The following LTF variants were observed in gnomAD, a reference collection of about 807,000 sequenced individuals.
LTF encodes the protein lactotransferrin.
A neutral mutation model predicts 87.2 loss-of-function variants in LTF; 91 were observed. The observed-to-expected ratio is 1.04, with a 90% CI of 0.88 to 1.24. The LOEUF (loss-of-function observed/expected upper bound fraction) is 1.24, where lower values mean the gene tolerates loss of function less well. Among genes scored for constraint, LTF ranks in the 50% most tolerant of loss-of-function variants. LTF has a pLI of 0.00. For missense variants in LTF, 901 were observed against 904.3 expected (o/e 1.00, Z 0.05); for synonymous variants, 378 against 356.1 (o/e 1.06, Z -0.69).
chr3:46,471,322 CTCTCTG>C (rs1337648198), intron 1 of LTF, among the ~76,000 whole-genome samples: 22 of 152,304 alleles, frequency 1.4e-4, no homozygotes, highest in Non-Finnish European at 2.4e-4. Context: ...CCCTCTCTAT[CTCTCTG>C]TCTCTATTTC....
At chr3:46,463,696 A>G (rs1703142191) in intron 1 of LTF, 2 of 975,856 alleles carry the variant, frequency 2.0e-6, no homozygotes, top group Non-Finnish European at 2.4e-6. Flanking sequence ...ACTTCCAGGA[A>G]GGCAAGGCTT....
intron 7 of LTF, 48 bp downstream of exon 7, chr3:46,450,447 C>G: frequency 6.4e-7 from 1 of 1,560,782 alleles, no homozygotes; most frequent in Non-Finnish European, 8.7e-7. Context: ...AACCTTGCTC[C>G]CTGCCCCCCA....
chr3:46,452,556 G>A (rs997834782), intron 6 of LTF, among the ~76,000 whole-genome samples: 1 of 152,238 alleles, frequency 6.6e-6, no homozygotes, highest in African/African-American at 2.4e-5. Flanking sequence ...AATAAAGTGA[G>A]AGGGGAGAGG....
intron 1 of LTF, among the ~76,000 whole-genome samples, chr3:46,482,731 G>A (rs57557042): frequency 4.3e-5 from 6 of 139,158 alleles, no homozygotes; most frequent in African/African-American, 1.6e-4. Flanking sequence ...AGAAAGGAAG[G>A]AAGGAAGGAA....
intron 15 of LTF, among the ~76,000 whole-genome samples, chr3:46,438,367 T>A (rs1702437949): frequency 6.6e-6 from 1 of 152,200 alleles, no homozygotes; most frequent in Non-Finnish European, 1.5e-5. Context: ...CCTCCTACCA[T>A]CTGCCATCTT....
rs986838261 is a variant in LTF, at chr3:46,463,471, G to A, written c.43+1354C>T. 7.4e-5 allele frequency: 73 copies of A among 985,804 alleles called. No individual in the cohort carries two copies. In the Admixed American group the frequency reaches 1.4e-3, roughly 18 times the overall value. 61.1% of individuals were successfully genotyped at this position (985,804 alleles called of 1,614,324 possible). On this transcript the variant is annotated intron_variant, in intron 1 of 16. Coordinates refer to ENST00000231751, the MANE Select transcript of LTF (RefSeq NM_002343.6). The stretch of plus-strand genomic sequence containing the variant: ...AACTTCTGTCAGCCTGGACACCCAC[G>A]GGGAGCAGGGCAGGAATTCCACAGG...
At position 46,473,622 on chromosome 3, in the gene LTF, G is replaced by C. The variant is rs528981178; in HGVS notation, c.-319-3156C>G. ...GAATCCATTTCCTTATTTTTTTTCA[G>C]CTTCTAGAGGCTGACTCCATTCTTT... is the stretch of plus-strand genomic sequence containing the variant. On this transcript the variant is annotated intron_variant, in intron 1 of 19. Coordinates refer to the LTF transcript ENST00000443496. 2.9e-4 allele frequency among the ~76,000 whole-genome samples: 44 copies of C among 152,026 alleles called. 1 individual carries two copies. The South Asian group carries it at 8.9e-3, about 31-fold the overall frequency.
At chr3:46,447,450 T>C (rs1344154251) in intron 9 of LTF, 52 bp from the exon 10 acceptor site, 2 of 1,241,820 alleles carry the variant, frequency 1.6e-6, no homozygotes, top group Non-Finnish European at 2.4e-6. Flanking sequence ...CATCCCGTCC[T>C]GCCTGTCTAT....
intron 6 of LTF, among the ~76,000 whole-genome samples, chr3:46,453,761 G>A (rs1702858691): frequency 6.6e-6 from 1 of 152,166 alleles, no homozygotes; most frequent in African/African-American, 2.4e-5. Context: ...AGGAACACAG[G>A]TGAAGGTATC....
chr3:46,438,074 G>T lies in LTF; in HGVS notation c.1964C>A (p.Ser655Tyr), dbSNP rs765836348. Residue 655 changes from serine to tyrosine, a missense_variant, in exon 16 of 17, where the codon TCT becomes TAT. Ser to Tyr is a moderately radical substitution (Grantham distance 144). Transcript: ENST00000231751. ...DCPDKFCLFQ[S>Y]ETKNLLFNDN... ...ATTGAACAGAAGGTTTTTGGTTTCA[G>T]ACTGGAATAAGCAAAACTTGTCCGG... 5.0e-5 allele frequency: 80 copies of T among 1,613,948 alleles called. 2 individuals are homozygous for T. In the South Asian group the frequency reaches 8.5e-4, roughly 17 times the overall value.
intron 1 of LTF, among the ~76,000 whole-genome samples, chr3:46,477,353 T>A (rs992414199): frequency 2.0e-5 from 3 of 152,240 alleles, no homozygotes; most frequent in South Asian, 4.1e-4. Context: ...TAAGCCCAGA[T>A]GAAGCCTGGC....
rs146716760 is a variant in LTF at position 46,443,461 on chromosome 3, G to A, written c.1635C>T (p.Tyr545=). Residue 545 remains tyrosine, a synonymous_variant, in exon 13 of 17, where the codon TAC becomes TAT. Transcript: ENST00000231751. ...CTCACCGGAAAGCCCCAGTGTAGCC[G>A]TAGTATCTCTCGTTGCTGTTGGGCA... is the stretch of plus-strand genomic sequence containing the variant. ...KCVPNSNERY[Y]GYTGAFRCLA... is the part of the protein sequence containing the mutation. 220 of 1,614,208 alleles carry A rather than the reference G, an allele frequency of 1.4e-4. No individual in the cohort carries two copies. Among genetic ancestry groups the A allele is most frequent in the African/African-American group, 6.8e-4 (51 of 75,050 alleles).
intron 1 of LTF, among the ~76,000 whole-genome samples, 171 bp downstream of exon 1, chr3:46,464,654 T>A (rs1432946552): frequency 1.3e-5 from 2 of 152,040 alleles, no homozygotes; most frequent in Non-Finnish European, 1.5e-5. Context: ...CCTCCCCATG[T>A]GGGAAAGAGA....
chr3:46,446,803 T>C (rs1293255519), intron 10 of LTF, among the ~76,000 whole-genome samples: 1 of 152,100 alleles, frequency 6.6e-6, no homozygotes, highest in Non-Finnish European at 1.5e-5. Context: ...ATGAAAAGCA[T>C]AACGATGAGC....
intron 2 of LTF, among the ~76,000 whole-genome samples, chr3:46,457,427 G>A (rs1213110206): frequency 1.3e-5 from 2 of 152,024 alleles, no homozygotes; most frequent in Non-Finnish European, 2.9e-5. Flanking sequence ...GTTTTTCCTT[G>A]TGACCACTTG....
At chr3:46,451,108 G>C (rs758582642) in intron 6 of LTF, among the ~76,000 whole-genome samples, 4 of 152,174 alleles carry the variant, frequency 2.6e-5, no homozygotes, top group Non-Finnish European at 4.4e-5. Flanking sequence ...AGGAAGGTGA[G>C]ACACTTTCCA....
At chr3:46,440,964 G>C (rs1702501694) in intron 14 of LTF, among the ~76,000 whole-genome samples, 1 of 152,232 alleles carries the variant, frequency 6.6e-6, no homozygotes, top group Non-Finnish European at 1.5e-5. Context: ...TCCAGACCAA[G>C]GCTCACATGG....
chr3:46,456,166 T>C, intron 3 of LTF, 124 bp downstream of exon 3: 1 of 952,300 alleles, frequency 1.1e-6, no homozygotes, highest in Non-Finnish European at 1.6e-6. Flanking sequence ...GCCCAGCGAC[T>C]CCATTCCCTA....
chr3:46,471,463 A>C (rs968690093), intron 1 of LTF, among the ~76,000 whole-genome samples: 1 of 152,202 alleles, frequency 6.6e-6, no homozygotes, highest in African/African-American at 2.4e-5. Context: ...CCCTGCACCC[A>C]TGCCTTCACT....
Sources: gnomAD v4.1 joint callset for allele counts (sites outside exome capture counted in the v4.1 genomes callset) on GRCh38, gnomAD v4.1.1 for gene constraint, MANE v1.5 for transcripts, NCBI Gene and HGNC (gene_info 2026-07-23, HGNC 2026-07-21) for gene names.